The following GOPC variants were observed in gnomAD, a reference collection of about 807,000 sequenced individuals.
GOPC encodes the protein golgi associated PDZ and coiled-coil motif containing.
In GOPC, 32 loss-of-function variants were observed where a neutral mutation model predicts 51.2. The ratio of observed to expected loss-of-function variants is 0.63; its 90% CI spans 0.47 to 0.84. The LOEUF is 0.84. Among genes scored for constraint, GOPC ranks in the 40% least tolerant of loss-of-function variants. The pLI is 0.00. For synonymous variants in GOPC, 190 were observed against 205.1 expected, an observed-to-expected ratio of 0.93 and a Z score of 0.63; for missense variants, 441 against 555.5, an observed-to-expected ratio of 0.79 and a Z score of 2.07.
chr6:117,596,824 G>T (rs993122428), intron 1 of GOPC, among the ~76,000 whole-genome samples: 1 of 152,152 alleles, frequency 6.6e-6, no homozygotes. Context: ...GTAACCTAAT[G>T]CCTCCAGGTT....
intron 1 of GOPC, among the ~76,000 whole-genome samples, chr6:117,587,180 A>AT (rs1033909772): frequency 1.3e-5 from 2 of 151,834 alleles, no homozygotes; most frequent in Non-Finnish European, 1.5e-5. Flanking sequence ...TGTTCACTCT[A>AT]TTTTTTTTCC....
chr6:117,570,432 A>T (rs1018047382), intron 6 of GOPC, among the ~76,000 whole-genome samples: 4 of 151,954 alleles, frequency 2.6e-5, no homozygotes, highest in Admixed American at 6.6e-5. Context: ...CATCGAATTT[A>T]AAAAAAAGAA....
intron 1 of GOPC, among the ~76,000 whole-genome samples, chr6:117,583,271 CCT>C (rs1161430329): frequency 1.3e-5 from 2 of 152,202 alleles, no homozygotes; most frequent in Non-Finnish European, 2.9e-5. Context: ...ACAGGGCACC[CCT>C]GTCGTGAGTA....
chr6:117,578,862 A>G (rs1779919477), intron 2 of GOPC, 38 bp downstream of exon 2: 3 of 1,460,156 alleles, frequency 2.1e-6, no homozygotes, highest in Non-Finnish European at 2.8e-6. Context: ...CACCCTGTAA[A>G]ATACATGCAA....
At chr6:117,590,189 AC>A (rs1210737381) in intron 1 of GOPC, among the ~76,000 whole-genome samples, 1 of 152,234 alleles carries the variant, frequency 6.6e-6, no homozygotes, top group Non-Finnish European at 1.5e-5. Flanking sequence ...ATTCAAATAA[AC>A]ATTGAGTACT....
chr6:117,581,334 T>G (rs1399516958), intron 1 of GOPC, among the ~76,000 whole-genome samples: 1 of 152,178 alleles, frequency 6.6e-6, no homozygotes, highest in Non-Finnish European at 1.5e-5. Context: ...TTCCTGGAGA[T>G]CACTCCCTAT....
Position 117,588,255 on chromosome 6 carries a change from T to A in GOPC, c.286-9191A>T, listed in dbSNP as rs185215906. On this transcript the variant is annotated intron_variant, in intron 1 of 8. Transcript: ENST00000368498. ...GGTTCCACAAGCTGTACAGAAAGCATGGCTGGGGAGGCCTCAGCAAACTTT... is the reference window on the plus strand; with the variant it reads ...GGTTCCACAAGCTGTACAGAAAGCAAGGCTGGGGAGGCCTCAGCAAACTTT... 2.9e-3 allele frequency among the ~76,000 whole-genome samples: 448 copies of A among 152,054 alleles called. 3 individuals are homozygous for A. Among genetic ancestry groups the A allele is most frequent in the African/African-American group, 0.01 (430 of 41,466 alleles).
In GOPC at chr6:117,602,417, G is replaced by A. The variant is rs932508082; in HGVS notation, c.-129C>T. On this transcript the variant is annotated 5_prime_UTR_variant, in exon 1 of 9. In the 5' UTR this introduces an upstream ATG that the reference lacks. Coordinates refer to ENST00000368498, the MANE Select transcript of GOPC (RefSeq NM_020399.4). ...CCGTCACCTCCCTTCACCTCGCGCCGTTAACGCCAGCAGCACAGTCACAGA... is the reference window on the plus strand; with the variant it reads ...CCGTCACCTCCCTTCACCTCGCGCCATTAACGCCAGCAGCACAGTCACAGA... 6 of 863,184 alleles carry A rather than the reference G, an allele frequency of 7.0e-6. No individual in the cohort carries two copies. Among genetic ancestry groups the A allele is most frequent in the Non-Finnish European group, 1.0e-5 (6 of 577,610 alleles). The allele number at this position is 863,184 out of a possible 1,614,324, so 53.5% of individuals were successfully genotyped here.
chr6:117,595,800 G>A (rs1780188970), intron 1 of GOPC, among the ~76,000 whole-genome samples: 1 of 152,050 alleles, frequency 6.6e-6, no homozygotes, highest in Admixed American at 6.5e-5. Context: ...TCCACTTATT[G>A]ATTGATGGGT....
chr6:117,590,972 C>A (rs1002893464), intron 1 of GOPC, among the ~76,000 whole-genome samples: 45 of 152,222 alleles, frequency 3.0e-4, no homozygotes, highest in Non-Finnish European at 6.3e-4. Flanking sequence ...CCTGCCTCAG[C>A]CTCCCGAGTA....
rs1013504472 is a variant in GOPC, at chr6:117,562,742, T to G, written c.*512A>C. On this transcript the variant is annotated 3_prime_UTR_variant, in exon 9 of 9. Coordinates refer to ENST00000368498, the MANE Select transcript of GOPC (RefSeq NM_020399.4). The stretch of plus-strand genomic sequence containing the variant: ...TTTAGATTTTAGGATGCACAATAAA[T>G]TTTTTTAAGTCTAAAGCCTTTCAGT... 1 of 206,792 alleles carries G rather than the reference T, an allele frequency of 4.8e-6. No homozygotes were observed. Among genetic ancestry groups the G allele is most frequent in the Non-Finnish European group, 9.9e-6 (1 of 101,238 alleles). 12.8% of individuals were successfully genotyped at this position (206,792 alleles called of 1,614,324 possible). A position where few individuals can be genotyped will look rare whatever the true frequency, so the allele number is the denominator to read the frequency against.
chr6:117,573,535 T>G lies in GOPC; in HGVS notation c.748A>C (p.Lys250Gln), dbSNP rs1779836982. 6.2e-7 allele frequency: 1 copy of G among 1,613,998 alleles called. No individual in the cohort carries two copies. The highest frequency in any genetic ancestry group is 1.3e-5 in the African/African-American group (1 of 74,942). Residue 250 changes from lysine (K) to glutamine (Q), a missense_variant, in exon 5 of 9, where the codon AAA becomes CAA. Transcript: ENST00000368498. ...CCTCTGCAGGCTCGGATCACAGTTT[T>G]GTGACGATGCAAATGTATTTCAGCT... ...LEAEIHLHRH[K>Q]TVIRACRGRN... is the part of the protein sequence containing the mutation.
At chr6:117,564,842 T>G (rs1330530231) in intron 8 of GOPC, among the ~76,000 whole-genome samples, 1 of 152,212 alleles carries the variant, frequency 6.6e-6, no homozygotes, top group Non-Finnish European at 1.5e-5. Context: ...TTGCTCAAGA[T>G]GCACAGTGAA....
intron 5 of GOPC, among the ~76,000 whole-genome samples, chr6:117,573,095 T>C (rs1779831164): frequency 6.6e-6 from 1 of 152,204 alleles, no homozygotes; most frequent in Non-Finnish European, 1.5e-5. Context: ...AAAGTTCCCT[T>C]AAAGAACTAC....
Position 117,602,444 on chromosome 6 carries a change from C to T in GOPC, c.-156G>A. ...TAACGCCAGCAGCACAGTCACAGAA[C>T]CGCAGGAGTAACGAGGCTGAAGCTG... On this transcript the variant is annotated 5_prime_UTR_variant, in exon 1 of 9. Coordinates refer to ENST00000368498, the MANE Select transcript of GOPC (RefSeq NM_020399.4). The T allele has an allele frequency of 1.5e-6, 1 of 686,460 alleles. No individual in the cohort carries two copies. Among genetic ancestry groups the T allele is most frequent in the Non-Finnish European group, 2.4e-6 (1 of 416,954 alleles). The allele number at this position is 686,460 out of a possible 1,614,324, so 42.5% of individuals were successfully genotyped here.
At chr6:117,593,324 A>G (rs1274641487) in intron 1 of GOPC, among the ~76,000 whole-genome samples, 1 of 151,740 alleles carries the variant, frequency 6.6e-6, no homozygotes, top group Non-Finnish European at 1.5e-5. Context: ...TCTTCTAAGT[A>G]GCTGTTATTA....
Position 117,570,852 on chromosome 6 carries a change from C to T in GOPC, c.912+8G>A. On this transcript the variant is annotated splice_region_variant and intron_variant, in intron 6 of 8. Coordinates refer to ENST00000368498, the MANE Select transcript of GOPC (RefSeq NM_020399.4). Reference sequence around the variant, plus strand: ...GTAGAAAATGATACTGGAAGTACTACTTCTTACTGTAATTGAAATGCCAAG... The same window carrying T: ...GTAGAAAATGATACTGGAAGTACTATTTCTTACTGTAATTGAAATGCCAAG... 7.1e-7 allele frequency: 1 copy of T among 1,415,294 alleles called. No homozygotes were observed. Among genetic ancestry groups the T allele is most frequent in the Non-Finnish European group, 9.8e-7 (1 of 1,016,464 alleles). 87.7% of individuals were successfully genotyped at this position (1,415,294 alleles called of 1,614,324 possible).
At chr6:117,577,232 G>C (rs1215937626) in intron 3 of GOPC, among the ~76,000 whole-genome samples, 1 of 152,020 alleles carries the variant, frequency 6.6e-6, no homozygotes, top group Non-Finnish European at 1.5e-5. Flanking sequence ...GCAAATAATG[G>C]CTATAAATCA....
rs1779898818 is a variant in GOPC at position 117,577,439 on chromosome 6, T to C, written c.474+9A>G. The C allele has an allele frequency of 1.2e-6, 2 of 1,604,684 alleles. No individual in the cohort carries two copies. The highest frequency in any genetic ancestry group is 1.7e-6 in the Non-Finnish European group (2 of 1,175,496). Reference sequence around the variant, plus strand: ...ACATATTAAAGCAAAACAGAAACAATATACTTACCAGCTCCTCCACAGAGG... The same window carrying C: ...ACATATTAAAGCAAAACAGAAACAACATACTTACCAGCTCCTCCACAGAGG... On this transcript the variant is annotated intron_variant, in intron 3 of 8. Coordinates refer to ENST00000368498, the MANE Select transcript of GOPC (RefSeq NM_020399.4).
Sources: gnomAD v4.1 joint callset for allele counts (sites outside exome capture counted in the v4.1 genomes callset) on GRCh38, gnomAD v4.1.1 for gene constraint, MANE v1.5 for transcripts, NCBI Gene and HGNC (gene_info 2026-07-23, HGNC 2026-07-21) for gene names.